The following PAPPA2 variants were observed in gnomAD, a reference collection of about 807,000 sequenced individuals.
PAPPA2 encodes pappalysin 2.
Under a neutral mutation model 176.4 loss-of-function variants are expected in PAPPA2, and 86 were observed. The ratio of observed to expected loss-of-function variants is 0.49; its 90% CI spans 0.41 to 0.58. PAPPA2 has a LOEUF of 0.58. Among genes scored for constraint, PAPPA2 ranks in the 20% least tolerant of loss-of-function variants. PAPPA2 has a pLI of 0.00. For missense variants in PAPPA2, 2,073 were observed against 2,256.9 expected (o/e 0.92, Z 1.65); for synonymous variants, 809 against 852.2 (o/e 0.95, Z 0.88).
intron 4 of PAPPA2, among the ~76,000 whole-genome samples, chr1:176,674,969 G>C (rs1659213407): frequency 1.3e-5 from 2 of 152,044 alleles, no homozygotes; most frequent in Non-Finnish European, 2.9e-5. Context: ...AAAAATTATG[G>C]CCTTTCTTGC....
intron 1 of PAPPA2, among the ~76,000 whole-genome samples, chr1:176,481,184 GT>G (rs1652376861): frequency 6.6e-6 from 1 of 151,774 alleles, no homozygotes; most frequent in African/African-American, 2.4e-5. Context: ...TAAGGAAGCC[GT>G]TAGTTTGCCC....
In PAPPA2 at chr1:176,774,991, G is replaced by A. The variant is rs141767990; in HGVS notation, c.4715+3811G>A. Among the ~76,000 whole-genome samples the A allele has an allele frequency of 1.3e-4, 20 of 152,158 alleles. No homozygotes were observed. In the East Asian group the frequency reaches 1.4e-3, roughly 10 times the overall value. On this transcript the variant is annotated intron_variant, in intron 17 of 22. Coordinates refer to ENST00000367662, the MANE Select transcript of PAPPA2 (RefSeq NM_020318.3). ...GAATTCCTTCTTCCCAGAGCTCTCC[G>A]TGACAGTGACCTTTTGCTTGACTAA...
intron 14 of PAPPA2, among the ~76,000 whole-genome samples, chr1:176,749,420 A>G (rs1663062395): frequency 2.0e-5 from 3 of 152,208 alleles, no homozygotes; most frequent in Admixed American, 2.0e-4. Context: ...TACATTTGTT[A>G]CAACTGATGA....
At chr1:176,608,492 G>T (rs1289775918) in intron 3 of PAPPA2, among the ~76,000 whole-genome samples, 1 of 152,150 alleles carries the variant, frequency 6.6e-6, no homozygotes, top group Non-Finnish European at 1.5e-5. Flanking sequence ...ATATTTGGCT[G>T]GTAGTTACAA....
At chr1:176,664,757 G>A (rs985143443) in intron 3 of PAPPA2, among the ~76,000 whole-genome samples, 1 of 152,136 alleles carries the variant, frequency 6.6e-6, no homozygotes, top group African/African-American at 2.4e-5. Context: ...TTTGCTTCTA[G>A]TAATATTCAT....
At chr1:176,835,966 A>G (rs779817868) in intron 21 of PAPPA2, among the ~76,000 whole-genome samples, 3 of 152,166 alleles carry the variant, frequency 2.0e-5, no homozygotes, top group Non-Finnish European at 4.4e-5. Flanking sequence ...TTGTTTGGAT[A>G]TGAAGCCCAG....
At chr1:176,693,948 G>A (rs1035878684) in intron 6 of PAPPA2, among the ~76,000 whole-genome samples, 8 of 152,160 alleles carry the variant, frequency 5.3e-5, no homozygotes, top group Non-Finnish European at 7.3e-5. Context: ...CAAACGTTAC[G>A]ATAAAGCAGA....
At chr1:176,613,520 C>T (rs781043505) in intron 3 of PAPPA2, among the ~76,000 whole-genome samples, 31 of 152,312 alleles carry the variant, frequency 2.0e-4, no homozygotes, top group Middle Eastern at 3.4e-3. Flanking sequence ...AAGCAGAGGA[C>T]GCTATGTCAA....
intron 21 of PAPPA2, among the ~76,000 whole-genome samples, chr1:176,833,821 T>G (rs1667168967): frequency 6.6e-6 from 1 of 151,300 alleles, no homozygotes. Flanking sequence ...CATATATATG[T>G]GTATATATAT....
intron 21 of PAPPA2, among the ~76,000 whole-genome samples, chr1:176,822,152 C>A (rs777471273): frequency 6.6e-6 from 1 of 152,172 alleles, no homozygotes; most frequent in Non-Finnish European, 1.5e-5. Flanking sequence ...ACCTCTCATT[C>A]TTTGAGCAAA....
intron 17 of PAPPA2, among the ~76,000 whole-genome samples, chr1:176,774,638 G>C (rs1307656024): frequency 6.6e-6 from 1 of 151,978 alleles, no homozygotes; most frequent in Non-Finnish European, 1.5e-5. Flanking sequence ...TGATCTTTCT[G>C]TCTCCAGTCT....
chr1:176,532,132 G>A (rs992535948), intron 1 of PAPPA2, among the ~76,000 whole-genome samples: 6 of 152,150 alleles, frequency 3.9e-5, no homozygotes, highest in Admixed American at 1.3e-4. Context: ...CACATTTGCC[G>A]GGTTTAATAG....
intron 3 of PAPPA2, among the ~76,000 whole-genome samples, chr1:176,600,511 C>T (rs2102659530): frequency 6.6e-6 from 1 of 151,478 alleles, no homozygotes; most frequent in East Asian, 1.9e-4. Context: ...CCCGTCTCTA[C>T]TAAAAATACA....
chr1:176,504,746 T>A (rs1453453712), intron 1 of PAPPA2, among the ~76,000 whole-genome samples: 1 of 152,154 alleles, frequency 6.6e-6, no homozygotes, highest in Non-Finnish European at 1.5e-5. Flanking sequence ...GTGACCTGCT[T>A]AGACCAATGC....
At chr1:176,516,597 C>T (rs191582399) in intron 1 of PAPPA2, among the ~76,000 whole-genome samples, 10 of 152,186 alleles carry the variant, frequency 6.6e-5, no homozygotes, top group East Asian at 5.8e-4. Flanking sequence ...CTTGAGGGAA[C>T]GAATTCTGTT....
At chr1:176,807,124 T>A (rs899432645) in intron 21 of PAPPA2, among the ~76,000 whole-genome samples, 10 of 152,320 alleles carry the variant, frequency 6.6e-5, no homozygotes, top group South Asian at 4.1e-4. Flanking sequence ...TGTGTGAATA[T>A]TTGATAAACA....
chr1:176,696,122 A>G (rs1424946039), intron 7 of PAPPA2, among the ~76,000 whole-genome samples: 3 of 152,002 alleles, frequency 2.0e-5, no homozygotes, highest in Non-Finnish European at 2.9e-5. Flanking sequence ...ATAGGACAGA[A>G]GGATGGAGAA....
At chr1:176,576,740 G>A (rs991172650) in intron 2 of PAPPA2, among the ~76,000 whole-genome samples, 2 of 152,164 alleles carry the variant, frequency 1.3e-5, no homozygotes, top group Non-Finnish European at 2.9e-5. Context: ...GGTGCCGTTT[G>A]AGACTTGCTA....
chr1:176,469,346 T>G (rs1651770577), intron 1 of PAPPA2, among the ~76,000 whole-genome samples: 1 of 152,202 alleles, frequency 6.6e-6, no homozygotes, highest in Non-Finnish European at 1.5e-5. Context: ...TTGCTTTCTC[T>G]TCTGTTTCTG....
Sources: allele counts gnomAD v4.1 joint callset (sites outside exome capture counted in the v4.1 genomes callset), GRCh38; gene constraint gnomAD v4.1.1; transcripts MANE v1.5; gene names NCBI Gene and HGNC (gene_info 2026-07-23, HGNC 2026-07-21).